The following RASGRF2 variants were observed in gnomAD, a reference collection of about 807,000 sequenced individuals.
The protein encoded by RASGRF2 is ras-specific guanine nucleotide-releasing factor 2.
In RASGRF2, 76 loss-of-function variants were observed where a neutral mutation model predicts 151.0. The observed-to-expected ratio is 0.50, with a 90% CI of 0.42 to 0.61. The LOEUF (loss-of-function observed/expected upper bound fraction) is 0.61, where lower values mean the gene tolerates loss of function less well. RASGRF2 is among the 20% of genes least tolerant of loss of function. RASGRF2 has a pLI of 0.00. For missense variants in RASGRF2, 1,148 were observed against 1,564.6 expected (o/e 0.73, Z 4.49); for synonymous variants, 504 against 566.5 (o/e 0.89, Z 1.57).
At position 81,208,395 on chromosome 5, in the gene RASGRF2, A is replaced by G. The variant is rs2112726860; in HGVS notation, c.3113A>G (p.Glu1038Gly). 1.2e-6 allele frequency: 2 copies of G among 1,614,126 alleles called. No homozygotes were observed. Among genetic ancestry groups the G allele is most frequent in the East Asian group, 4.5e-5 (2 of 44,882 alleles). ...GGGTGGATGAAGCTGGATAAAAACGAAAGAACTCCTTACATTATGAAAACC... is the reference window on the plus strand; with the variant it reads ...GGGTGGATGAAGCTGGATAAAAACGGAAGAACTCCTTACATTATGAAAACC... ...GQGWMKLDKNERTPYIMKTSQ... is the reference protein window; with the variant it reads ...GQGWMKLDKNGRTPYIMKTSQ... The change falls in exon 22 of 27, where the codon GAA (glutamate) becomes GGA (glycine). Residue 1038 changes from glutamate (E) to glycine (G), a missense_variant. Around this residue, in one of 5 missense-constraint regions of RASGRF2, gnomAD observed 646 missense variants for 807.4 expected, o/e 0.80. Coordinates refer to ENST00000265080, the MANE Select transcript of RASGRF2 (RefSeq NM_006909.3).
At chr5:81,219,314 C>T (rs748572853) in intron 25 of RASGRF2, among the ~76,000 whole-genome samples, 3 of 152,024 alleles carry the variant, frequency 2.0e-5, no homozygotes, top group Non-Finnish European at 2.9e-5. Flanking sequence ...CTCCTGAACT[C>T]AATTGATCCA....
chr5:81,008,765 G>A (rs1457350786), intron 1 of RASGRF2, among the ~76,000 whole-genome samples: 2 of 152,146 alleles, frequency 1.3e-5, no homozygotes, highest in East Asian at 3.9e-4. Flanking sequence ...AATGAGAACA[G>A]AAATGGCTAG....
chr5:81,201,118 G>GC (rs1395033963), intron 18 of RASGRF2, among the ~76,000 whole-genome samples: 1 of 152,158 alleles, frequency 6.6e-6, no homozygotes, highest in African/African-American at 2.4e-5. Context: ...CCCCTGGGGA[G>GC]CCCCCAGGGG....
chr5:80,988,008 CGT>C (rs58750663), intron 1 of RASGRF2, among the ~76,000 whole-genome samples: 6,004 of 139,352 alleles, frequency 0.043, 137 homozygotes, highest in Middle Eastern at 0.055. Flanking sequence ...AATAAATGTG[CGT>C]GTGTGTGTGT....
At chr5:81,018,561 A>G (rs1749716390) in intron 1 of RASGRF2, among the ~76,000 whole-genome samples, 1 of 152,172 alleles carries the variant, frequency 6.6e-6, no homozygotes, top group African/African-American at 2.4e-5. Flanking sequence ...AGATATGTGA[A>G]GATTAAATTC....
chr5:81,119,245 G>A (rs1006904993), intron 15 of RASGRF2, among the ~76,000 whole-genome samples: 3 of 152,194 alleles, frequency 2.0e-5, no homozygotes, highest in African/African-American at 7.2e-5. Context: ...TTTGTTTTGT[G>A]CTACCTGAGA....
intron 1 of RASGRF2, among the ~76,000 whole-genome samples, chr5:80,969,820 T>C (rs1238043432): frequency 3.4e-5 from 3 of 88,116 alleles, no homozygotes; most frequent in Non-Finnish European, 5.9e-5. Context: ...TTCTTCTTTT[T>C]TTTTTTTTTT....
chr5:81,207,722 A>G (rs1478666032), intron 21 of RASGRF2, among the ~76,000 whole-genome samples: 1 of 152,232 alleles, frequency 6.6e-6, no homozygotes, highest in Non-Finnish European at 1.5e-5. Context: ...GCTGCCCTGA[A>G]GACAGCCCAT....
chr5:80,971,567 A>G (rs866431744), intron 1 of RASGRF2, among the ~76,000 whole-genome samples: 1 of 131,276 alleles, frequency 7.6e-6, no homozygotes, highest in Non-Finnish European at 1.6e-5. Context: ...CACACCTGGT[A>G]TTTTTTTTTT....
chr5:80,978,923 T>C (rs892273317), intron 1 of RASGRF2, among the ~76,000 whole-genome samples: 16 of 152,242 alleles, frequency 1.1e-4, no homozygotes, highest in African/African-American at 3.9e-4. Flanking sequence ...ACATTATTTT[T>C]AAGGACTGTA....
At chr5:81,143,357 A>G (rs892692240) in intron 17 of RASGRF2, among the ~76,000 whole-genome samples, 1 of 151,766 alleles carries the variant, frequency 6.6e-6, no homozygotes, top group African/African-American at 2.4e-5. Context: ...CATGTTGGCC[A>G]GGCTGGTCTT....
intron 17 of RASGRF2, among the ~76,000 whole-genome samples, chr5:81,146,610 G>A (rs40046): frequency 6.6e-6 from 1 of 152,012 alleles, no homozygotes; most frequent in Non-Finnish European, 1.5e-5. Context: ...GACTAGAACC[G>A]GGGCCAATGA....
Position 81,113,717 on chromosome 5 carries a change from G to A in RASGRF2, c.2267G>A (p.Gly756Glu), listed in dbSNP as rs1006144432. 2 of 1,613,824 alleles carry A rather than the reference G, an allele frequency of 1.2e-6. No individual in the cohort carries two copies. The highest frequency in any genetic ancestry group is 1.3e-5 in the African/African-American group (1 of 75,004). Residue 756 changes from glycine to glutamate, a missense_variant, in exon 15 of 27, where the codon GGA becomes GAA. This residue lies in a region of RASGRF2 where 646 missense variants were observed against 807.4 expected (regional missense o/e 0.80). Coordinates refer to ENST00000265080, the MANE Select transcript of RASGRF2 (RefSeq NM_006909.3). ...SLTSPLNSKIGALDLTTSSSP... is the reference protein window; with the variant it reads ...SLTSPLNSKIEALDLTTSSSP... Reference sequence around the variant, plus strand: ...ACTTCTCCCTTGAACTCAAAGATAGGAGCATTGGACCTGACAACTTCCAGC... The same window carrying A: ...ACTTCTCCCTTGAACTCAAAGATAGAAGCATTGGACCTGACAACTTCCAGC...
In RASGRF2 at chr5:80,969,815, CTTTTTTTTTT is replaced by C. The variant is rs10584906; in HGVS notation, c.288+8808_288+8817del. On this transcript the variant is annotated intron_variant, in intron 1 of 26. Coordinates refer to ENST00000265080, the MANE Select transcript of RASGRF2 (RefSeq NM_006909.3). The stretch of plus-strand genomic sequence containing the variant: ...ACAGATGCCAATAATACTTCTTCTT[CTTTTTTTTTT>C]TTTTTTTTTTTTTTTTTTGAGACAG... Among the ~76,000 whole-genome samples, 81 of 76,944 alleles carry C rather than the reference CTTTTTTTTTT, an allele frequency of 1.1e-3. 1 individual carries two copies. The highest frequency in any genetic ancestry group is 8.2e-3 in the Middle Eastern group (1 of 122). 50.5% of individuals were successfully genotyped at this position (76,944 alleles called of 152,430 possible).
At chr5:81,189,046 A>G (rs962806952) in intron 18 of RASGRF2, among the ~76,000 whole-genome samples, 2 of 152,220 alleles carry the variant, frequency 1.3e-5, no homozygotes, top group Non-Finnish European at 2.9e-5. Context: ...TGTTGCTCAA[A>G]GGATTTGTAC....
At chr5:81,215,417 T>C (rs1371940784) in intron 23 of RASGRF2, among the ~76,000 whole-genome samples, 1 of 151,910 alleles carries the variant, frequency 6.6e-6, no homozygotes, top group Non-Finnish European at 1.5e-5. Context: ...ATTACAGGCA[T>C]ATGCCACCAT....
At chr5:81,091,598 A>T (rs1752390730) in intron 9 of RASGRF2, among the ~76,000 whole-genome samples, 1 of 152,194 alleles carries the variant, frequency 6.6e-6, no homozygotes, top group African/African-American at 2.4e-5. Flanking sequence ...ATTTCTGTTA[A>T]AAAGTAGATG....
At chr5:81,006,933 C>T (rs1297621057) in intron 1 of RASGRF2, among the ~76,000 whole-genome samples, 1 of 152,068 alleles carries the variant, frequency 6.6e-6, no homozygotes, top group South Asian at 2.1e-4. Context: ...TTGTCCCAGG[C>T]CATTGTATGT....
rs1190299733 is a variant in RASGRF2, at chr5:80,969,818, T to G, written c.288+8792T>G. ...GATGCCAATAATACTTCTTCTTCTT[T>G]TTTTTTTTTTTTTTTTTTTTTTTTT... On this transcript the variant is annotated intron_variant, in intron 1 of 26. Transcript: ENST00000265080. Among the ~76,000 whole-genome samples, 8 of 83,910 alleles carry G rather than the reference T, an allele frequency of 9.5e-5. No individual in the cohort carries two copies. The East Asian group carries it at 1.6e-3, about 16-fold the overall frequency. The allele number at this position is 83,910 out of a possible 152,430, so 55.0% of individuals were successfully genotyped here.
Sources: allele counts gnomAD v4.1 joint callset (sites outside exome capture counted in the v4.1 genomes callset), GRCh38; gene constraint gnomAD v4.1.1; regional missense constraint gnomAD v4.1.1; transcripts MANE v1.5; gene names NCBI Gene and HGNC (gene_info 2026-07-23, HGNC 2026-07-21).